The following PRKCA variants were observed in gnomAD, a reference collection of about 807,000 sequenced individuals.
The protein encoded by PRKCA is protein kinase C alpha.
Under a neutral mutation model 87.0 loss-of-function variants are expected in PRKCA, and 27 were observed. The observed-to-expected ratio is 0.31, with a 90% confidence interval of 0.23 to 0.43. PRKCA has a LOEUF of 0.43. Among genes scored for constraint, PRKCA ranks in the 20% least tolerant of loss-of-function variants. The pLI is 1.00. For missense variants in PRKCA, 518 were observed against 852.3 expected (o/e 0.61, Z 4.88); for synonymous variants, 329 against 311.1 (o/e 1.06, Z -0.61).
At position 66,520,125 on chromosome 17, in the gene PRKCA, A is replaced by AT. The variant is rs35377147; in HGVS notation, c.288+23862dup. 3.4e-3 allele frequency among the ~76,000 whole-genome samples: 456 copies of AT among 133,928 alleles called. 5 individuals are homozygous for AT. The highest frequency in any genetic ancestry group is 4.5e-3 in the Non-Finnish European group (284 of 63,144). The allele number at this position is 133,928 out of a possible 152,430, so 87.9% of individuals were successfully genotyped here. A position where few individuals can be genotyped will look rare whatever the true frequency, so the allele number is the denominator to read the frequency against. On this transcript the variant is annotated intron_variant, in intron 3 of 16. Transcript: ENST00000413366. ...CAGGTACATGCCATCCACACTAATA[A>AT]TTTTTTTTTTTTTTTTTTTTAGACA... is the stretch of plus-strand genomic sequence containing the variant.
intron 2 of PRKCA, among the ~76,000 whole-genome samples, chr17:66,473,135 C>T (rs1176165814): frequency 6.6e-6 from 1 of 152,152 alleles, no homozygotes; most frequent in Non-Finnish European, 1.5e-5. Context: ...TCCAGTATTG[C>T]ATATTTTTAC....
intron 8 of PRKCA, among the ~76,000 whole-genome samples, chr17:66,719,789 A>T (rs1032840828): frequency 1.4e-4 from 21 of 152,378 alleles, no homozygotes; most frequent in African/African-American, 5.0e-4. Flanking sequence ...AAATAAAATT[A>T]TAGATGTTTT....
chr17:66,347,558 A>G (rs1231248824), intron 2 of PRKCA, among the ~76,000 whole-genome samples: 2 of 152,140 alleles, frequency 1.3e-5, no homozygotes, highest in African/African-American at 4.8e-5. Context: ...GTGTGACCGC[A>G]TTCTTTAGTT....
intron 1 of PRKCA, among the ~76,000 whole-genome samples, chr17:66,305,089 C>T (rs1904741953): frequency 6.6e-6 from 1 of 152,156 alleles, no homozygotes; most frequent in Admixed American, 6.5e-5. Context: ...CCCTGAGGAT[C>T]CCTGCAGCAC....
intron 9 of PRKCA, among the ~76,000 whole-genome samples, chr17:66,733,839 A>C (rs1973962125): frequency 6.6e-6 from 1 of 152,210 alleles, no homozygotes; most frequent in African/African-American, 2.4e-5. Flanking sequence ...TCTTTAGATC[A>C]AAAGGTGAAC....
chr17:66,552,433 G>A (rs1968365267), intron 3 of PRKCA, among the ~76,000 whole-genome samples: 1 of 152,206 alleles, frequency 6.6e-6, no homozygotes, highest in Non-Finnish European at 1.5e-5. Flanking sequence ...TGTGATTGAG[G>A]GTTTCTCCCG....
chr17:66,583,594 C>CAAAAAA (rs58515241), intron 3 of PRKCA, among the ~76,000 whole-genome samples: 1 of 133,614 alleles, frequency 7.5e-6, no homozygotes, highest in African/African-American at 2.7e-5. Context: ...TTAAATGAAC[C>CAAAAAA]AAAAAAAAAA....
rs375408728 is a variant in PRKCA at position 66,535,993 on chromosome 17, T to C, written c.288+39710T>C. 1.2e-3 allele frequency among the ~76,000 whole-genome samples: 177 copies of C among 152,232 alleles called. 2 individuals carry two copies. The highest frequency in any genetic ancestry group is 2.1e-3 in the Non-Finnish European group (146 of 68,036). ...CCTCCTTATTCTCCTGATTATTAAT[T>C]ATTTGCCTGACTTTGGATAGCTATT... On this transcript the variant is annotated intron_variant, in intron 3 of 16. Transcript: ENST00000413366.
At chr17:66,775,427 A>T in intron 14 of PRKCA, 1 of 985,282 alleles carries the variant, frequency 1.0e-6, no homozygotes, top group Non-Finnish European at 1.2e-6. Context: ...CCCCAGTGGG[A>T]CACAAAGAGG....
intron 8 of PRKCA, among the ~76,000 whole-genome samples, chr17:66,724,097 A>T (rs1180139458): frequency 6.6e-6 from 1 of 152,144 alleles, no homozygotes; most frequent in African/African-American, 2.4e-5. Context: ...GCATGTTTGG[A>T]CTTAGTAGAT....
At chr17:66,540,037 A>C (rs1967925984) in intron 3 of PRKCA, among the ~76,000 whole-genome samples, 1 of 152,178 alleles carries the variant, frequency 6.6e-6, no homozygotes, top group South Asian at 2.1e-4. Flanking sequence ...GGAGAGATGC[A>C]GTTGGTGCCT....
chr17:66,658,958 C>G (rs1971812496), intron 5 of PRKCA, among the ~76,000 whole-genome samples: 1 of 152,270 alleles, frequency 6.6e-6, no homozygotes, highest in South Asian at 2.1e-4. Flanking sequence ...AATTGGAAGG[C>G]CTCTGTATGA....
intron 3 of PRKCA, among the ~76,000 whole-genome samples, chr17:66,518,863 G>A (rs1047389249): frequency 6.6e-6 from 1 of 152,290 alleles, no homozygotes. Context: ...AGATCTTGGA[G>A]TTGCTTTGTT....
At chr17:66,494,232 T>G (rs1167738497) in intron 2 of PRKCA, among the ~76,000 whole-genome samples, 1 of 152,212 alleles carries the variant, frequency 6.6e-6, no homozygotes, top group Non-Finnish European at 1.5e-5. Context: ...GCCACACATT[T>G]GGGAAACTCT....
intron 2 of PRKCA, among the ~76,000 whole-genome samples, chr17:66,315,078 G>T (rs1022681801): frequency 2.0e-5 from 3 of 151,976 alleles, no homozygotes; most frequent in Admixed American, 6.6e-5. Flanking sequence ...TTCGTGTGTG[G>T]TTGTGCACAA....
At chr17:66,305,970 C>A in intron 1 of PRKCA, 126 bp from the exon 2 acceptor site, 2 of 866,312 alleles carry the variant, frequency 2.3e-6, no homozygotes, top group Non-Finnish European at 3.7e-6. Context: ...ATGTTTTTTT[C>A]TATTAAATCA....
chr17:66,725,604 C>T (rs957629962), intron 8 of PRKCA, among the ~76,000 whole-genome samples: 15 of 150,794 alleles, frequency 9.9e-5, no homozygotes, highest in African/African-American at 2.7e-4. Context: ...TGAGCTCAGG[C>T]GTTTGAGACC....
At chr17:66,406,375 T>C (rs186381905) in intron 2 of PRKCA, among the ~76,000 whole-genome samples, 17 of 152,298 alleles carry the variant, frequency 1.1e-4, no homozygotes, top group African/African-American at 4.1e-4. Flanking sequence ...AGATCCCCAT[T>C]GTACAGATGC....
intron 2 of PRKCA, among the ~76,000 whole-genome samples, chr17:66,333,270 A>G (rs1385242646): frequency 6.6e-6 from 1 of 152,234 alleles, no homozygotes; most frequent in East Asian, 1.9e-4. Context: ...AAAATCTAAC[A>G]AACTATAGCA....
Sources: allele counts gnomAD v4.1 joint callset (sites outside exome capture counted in the v4.1 genomes callset), GRCh38; gene constraint gnomAD v4.1.1; transcripts MANE v1.5; gene names NCBI Gene and HGNC (gene_info 2026-07-23, HGNC 2026-07-21).